Variants in RBMS3 observed in about 807,000 individuals in gnomAD.
The protein encoded by RBMS3 is RNA binding motif single stranded interacting protein 3.
RBMS3 carries 27 observed loss-of-function variants against 66.8 expected under a neutral mutation model. That is an observed-to-expected ratio of 0.40 (90% CI 0.30 to 0.56). RBMS3 has a LOEUF of 0.56. Ranked by LOEUF, RBMS3 falls within the 20% of genes least tolerant of loss-of-function variation. The pLI, the probability that RBMS3 is intolerant of heterozygous loss-of-function variation, is 0.40. For missense variants in RBMS3, 513 were observed against 549.5 expected (o/e 0.93, Z 0.66); for synonymous variants, 188 against 183.0 (o/e 1.03, Z -0.22).
intron 4 of RBMS3, among the ~76,000 whole-genome samples, chr3:29,663,825 A>C (rs2050650469): frequency 6.6e-6 from 1 of 152,162 alleles, no homozygotes; most frequent in South Asian, 2.1e-4. Flanking sequence ...TGGCCCTTGG[A>C]AGTAAAGTTT....
chr3:29,951,156 T>G (rs1375023077), intron 12 of RBMS3, among the ~76,000 whole-genome samples: 1 of 151,842 alleles, frequency 6.6e-6, no homozygotes, highest in Non-Finnish European at 1.5e-5. Context: ...TTCTAATTCC[T>G]TTATTAAAAA....
At chr3:29,583,054 A>G (rs924687341) in intron 3 of RBMS3, among the ~76,000 whole-genome samples, 11 of 152,132 alleles carry the variant, frequency 7.2e-5, no homozygotes, top group Non-Finnish European at 1.2e-4. Context: ...CCATCAATAC[A>G]GATATTTTGT....
intron 14 of RBMS3, 45 bp from the exon 15 acceptor site, chr3:30,003,811 A>G: frequency 7.4e-7 from 1 of 1,351,748 alleles, no homozygotes; most frequent in Non-Finnish European, 9.7e-7. Flanking sequence ...GTGATTTCAA[A>G]GTTACTTTAA....
At chr3:29,806,810 G>A (rs1383998680) in intron 6 of RBMS3, among the ~76,000 whole-genome samples, 1 of 151,824 alleles carries the variant, frequency 6.6e-6, no homozygotes, top group Non-Finnish European at 1.5e-5. Flanking sequence ...AATATTATTC[G>A]TTGAGTCTGG....
chr3:29,559,030 T>G (rs1437934853), intron 3 of RBMS3, among the ~76,000 whole-genome samples: 1 of 152,120 alleles, frequency 6.6e-6, no homozygotes, highest in African/African-American at 2.4e-5. Flanking sequence ...GATAAGTCAG[T>G]GTGTGAGACT....
At chr3:29,805,240 T>C (rs1169196134) in intron 6 of RBMS3, among the ~76,000 whole-genome samples, 1 of 152,020 alleles carries the variant, frequency 6.6e-6, no homozygotes, top group Non-Finnish European at 1.5e-5. Flanking sequence ...ATGTTATTGG[T>C]GATGCTGGGT....
intron 6 of RBMS3, among the ~76,000 whole-genome samples, chr3:29,857,832 C>A (rs1409711429): frequency 1.3e-5 from 2 of 152,048 alleles, no homozygotes; most frequent in Non-Finnish European, 2.9e-5. Context: ...AAATCAAATT[C>A]TCATAGTAGT....
intron 4 of RBMS3, among the ~76,000 whole-genome samples, chr3:29,648,668 A>G (rs978594197): frequency 6.6e-6 from 1 of 152,144 alleles, no homozygotes; most frequent in Non-Finnish European, 1.5e-5. Flanking sequence ...CTTGCACTAA[A>G]GGAAACATTT....
intron 10 of RBMS3, among the ~76,000 whole-genome samples, chr3:29,906,139 G>T (rs571522053): frequency 6.6e-6 from 1 of 151,926 alleles, no homozygotes; most frequent in Non-Finnish European, 1.5e-5. Context: ...TCAGGTTTCC[G>T]CCATATGTAT....
chr3:29,353,774 A>G (rs1359480370), intron 1 of RBMS3, among the ~76,000 whole-genome samples: 2 of 152,128 alleles, frequency 1.3e-5, no homozygotes, highest in African/African-American at 4.8e-5. Context: ...ATGGACTTCT[A>G]TGAGATCCAA....
intron 3 of RBMS3, among the ~76,000 whole-genome samples, chr3:29,559,602 T>C (rs2046479816): frequency 1.3e-5 from 2 of 149,844 alleles, no homozygotes; most frequent in African/African-American, 4.9e-5. Context: ...GTCTCAGTTT[T>C]TAAAAAGGCT....
intron 1 of RBMS3, among the ~76,000 whole-genome samples, chr3:29,308,447 C>T (rs535035362): frequency 1.7e-3 from 251 of 151,426 alleles, no homozygotes; most frequent in African/African-American, 5.7e-3. Flanking sequence ...CAACAATGAA[C>T]GTATAAGGGA....
chr3:29,997,041 A>G (rs1577352389), intron 14 of RBMS3, among the ~76,000 whole-genome samples: 1 of 147,722 alleles, frequency 6.8e-6, no homozygotes, highest in African/African-American at 2.6e-5. Context: ...AAAGAAAAAA[A>G]GAGAGAAGAA....
chr3:29,497,969 A>ATCCTT (rs1553611689), intron 3 of RBMS3, among the ~76,000 whole-genome samples: 19 of 59,326 alleles, frequency 3.2e-4, no homozygotes, highest in Non-Finnish European at 4.4e-4. Flanking sequence ...CTCTAAAAGT[A>ATCCTT]TTCATTTTTT....
intron 6 of RBMS3, among the ~76,000 whole-genome samples, chr3:29,791,722 T>G (rs1053904267): frequency 2.6e-5 from 4 of 152,190 alleles, no homozygotes; most frequent in African/African-American, 9.7e-5. Context: ...CCTCTTCCTC[T>G]TGTAGAACAT....
intron 4 of RBMS3, among the ~76,000 whole-genome samples, chr3:29,702,686 A>C (rs2052675069): frequency 2.0e-5 from 3 of 152,050 alleles, no homozygotes; most frequent in Admixed American, 2.0e-4. Context: ...TCTGGATGAG[A>C]GGAACGAACA....
At chr3:29,640,382 G>A (rs2049655642) in intron 4 of RBMS3, among the ~76,000 whole-genome samples, 1 of 151,708 alleles carries the variant, frequency 6.6e-6, no homozygotes, top group African/African-American at 2.4e-5. Context: ...TAACAATGAG[G>A]AAAATGATTA....
At chr3:29,749,304 C>T (rs1398896118) in intron 5 of RBMS3, among the ~76,000 whole-genome samples, 2 of 152,138 alleles carry the variant, frequency 1.3e-5, no homozygotes, top group Non-Finnish European at 2.9e-5. Context: ...AGCAGGTGTG[C>T]TATAGTTTTC....
intron 11 of RBMS3, among the ~76,000 whole-genome samples, chr3:29,943,646 T>C (rs1209906587): frequency 6.6e-6 from 1 of 151,796 alleles, no homozygotes; most frequent in African/African-American, 2.4e-5. Flanking sequence ...ATAAAGCTTT[T>C]TGGCCTTGAG....
Sources: allele counts gnomAD v4.1 joint callset (sites outside exome capture counted in the v4.1 genomes callset), GRCh38; gene constraint gnomAD v4.1.1; transcripts MANE v1.5; gene names NCBI Gene and HGNC (gene_info 2026-07-23, HGNC 2026-07-21).